Variants in ARSH observed in about 807,000 individuals in gnomAD.
ARSH encodes the protein arylsulfatase family member H, also known as arylsulfatase H.
In ARSH, 32 loss-of-function variants were observed where a neutral mutation model predicts 28.7. The ratio of observed to expected loss-of-function variants is 1.11; its 90% confidence interval spans 0.84 to 1.50. ARSH has a LOEUF of 1.50. ARSH is among the 40% of genes most tolerant of loss of function. ARSH has a pLI of 0.00. For missense variants in ARSH, 440 were observed against 452.4 expected, an observed-to-expected ratio of 0.97 and a Z score of 0.25; for synonymous variants, 176 against 177.3, an observed-to-expected ratio of 0.99 and a Z score of 0.06.
At chrX:3,014,094 A>G (rs146777531) in intron 3 of ARSH, among the ~76,000 whole-genome samples, 3,926 of 110,914 alleles carry the variant, frequency 0.035, 175 homozygotes, top group African/African-American at 0.12. Flanking sequence ...AAGACCCTGG[A>G]TCTACAAAAA....
In ARSH at chrX:3,014,951, G is replaced by A. The variant is rs924039482; in HGVS notation, c.341-19G>A. 1.7e-5 allele frequency: 20 copies of A among 1,197,684 alleles called. No individual in the cohort carries two copies. The highest frequency in any genetic ancestry group is 8.9e-5 in the East Asian group (3 of 33,656). On this transcript the variant is annotated intron_variant, in intron 3 of 8. Transcript: ENST00000381130. The stretch of plus-strand genomic sequence containing the variant: ...GAATGCTGCCATGCTGCCATGGTAC[G>A]ATTTTATTTTACTTTTAGGCAAATG...
intron 6 of ARSH, among the ~76,000 whole-genome samples, chrX:3,024,885 C>T (rs141525676): frequency 0.01 from 1,134 of 110,242 alleles, 4 homozygotes; most frequent in Middle Eastern, 0.042. Flanking sequence ...ATTCTGCATT[C>T]GCTATTTTCC....
intron 3 of ARSH, 24 bp downstream of exon 3, chrX:3,013,196 T>C (rs1179679631): frequency 8.4e-7 from 1 of 1,194,515 alleles, no homozygotes; most frequent in East Asian, 3.0e-5. Context: ...ACTCTGCCCG[T>C]GGAAACGTGA....
intron 4 of ARSH, among the ~76,000 whole-genome samples, chrX:3,018,046 C>T (rs1341170018): frequency 1.8e-5 from 2 of 112,393 alleles, no homozygotes; most frequent in African/African-American, 3.2e-5. Context: ...GTTGCCCAGG[C>T]TGGAGTGCAG....
chrX:3,016,624 C>T (rs778483598), intron 4 of ARSH, among the ~76,000 whole-genome samples: 1 of 111,505 alleles, frequency 9.0e-6, no homozygotes, highest in Non-Finnish European at 1.9e-5. Context: ...GTCACTCAGG[C>T]TGGAGTGCAG....
intron 1 of ARSH, among the ~76,000 whole-genome samples, chrX:3,007,949 C>A (rs1426806166): frequency 9.0e-6 from 1 of 111,484 alleles, no homozygotes; most frequent in African/African-American, 3.3e-5. Flanking sequence ...TAAGGGTCCA[C>A]TTTAACGACC....
chrX:3,033,090 G>C lies in ARSH; in HGVS notation c.1394G>C (p.Ser465Thr). ...YPEGTGACYG[S>T]GICSCSGDVT... is the part of the protein sequence containing the mutation. ...GAAGGAACAGGTGCCTGCTATGGGA[G>C]TGGAATATGTTCATGTTCGGGGGAT... is the stretch of plus-strand genomic sequence containing the variant. The change falls in exon 9 of 9, where the codon AGT becomes ACT. Residue 465 changes from serine (S) to threonine (T), a missense_variant. By Grantham distance (58) the Ser-to-Thr change is moderately conservative (BLOSUM62 1). Transcript: ENST00000381130. The C allele has an allele frequency of 4.1e-6, 5 of 1,211,340 alleles. No homozygotes were observed. Among genetic ancestry groups the C allele is most frequent in the Non-Finnish European group, 5.6e-6 (5 of 895,351 alleles).
At chrX:3,026,744 C>T (rs1004321941) in intron 6 of ARSH, among the ~76,000 whole-genome samples, 8 of 112,361 alleles carry the variant, frequency 7.1e-5, no homozygotes, top group African/African-American at 1.9e-4. Context: ...TACTCACACT[C>T]CTCTCTTTCT....
intron 5 of ARSH, 64 bp downstream of exon 5, chrX:3,018,734 C>T (rs1217078818): frequency 9.0e-7 from 1 of 1,116,571 alleles, no homozygotes; most frequent in African/African-American, 1.8e-5. Flanking sequence ...CAAATCTGTA[C>T]TAACTGTCTC....
chrX:3,033,088 G>T lies in ARSH; in HGVS notation c.1392G>T (p.Gly464=). The T allele has an allele frequency of 8.3e-7, 1 of 1,211,172 alleles. No individual in the cohort carries two copies. The change falls in exon 9 of 9, where the codon GGG becomes GGT. Residue 464 remains glycine, a synonymous_variant. Transcript: ENST00000381130. ...FYPEGTGACY[G]SGICSCSGDV... ...CTGAAGGAACAGGTGCCTGCTATGG[G>T]AGTGGAATATGTTCATGTTCGGGGG...
intron 1 of ARSH, among the ~76,000 whole-genome samples, chrX:3,009,105 G>A (rs921258700): frequency 9.0e-6 from 1 of 111,357 alleles, no homozygotes; most frequent in Admixed American, 9.7e-5. Context: ...ATATTAATGG[G>A]AGGCTGAAGT....
chrX:3,012,855 C>G (rs2089854818), intron 2 of ARSH, among the ~76,000 whole-genome samples, 192 bp from the exon 3 acceptor site: 1 of 108,208 alleles, frequency 9.2e-6, no homozygotes, highest in Admixed American at 1.0e-4. Context: ...TCTGGCAACC[C>G]TAATTCCAAG....
intron 2 of ARSH, among the ~76,000 whole-genome samples, chrX:3,011,088 G>T (rs1366680138): frequency 8.2e-5 from 9 of 109,896 alleles, no homozygotes; most frequent in Non-Finnish European, 1.3e-4. Flanking sequence ...CATAATTCAA[G>T]GTTCTCCATT....
intron 5 of ARSH, among the ~76,000 whole-genome samples, chrX:3,021,137 T>A (rs763557185): frequency 2.7e-5 from 3 of 110,939 alleles, no homozygotes; most frequent in African/African-American, 9.8e-5. Flanking sequence ...GTAGCCTTTA[T>A]GGAATTATAT....
rs778813847 is a variant in ARSH, at chrX:3,013,177, G to A, written c.340+5G>A. 8.3e-7 allele frequency: 1 copy of A among 1,202,666 alleles called. No individual in the cohort carries two copies. Among genetic ancestry groups the A allele is most frequent in the Non-Finnish European group, 1.1e-6 (1 of 891,368 alleles). On this transcript the variant is annotated splice_donor_5th_base_variant and intron_variant, in intron 3 of 8. Coordinates refer to ENST00000381130, the MANE Select transcript of ARSH (RefSeq NM_001011719.2). ...GCTACCGCACGGGACTCATAGGTAT[G>A]GCGCCGGAACTCTGCCCGTGGAAAC...
Position 3,015,320 on chromosome X carries a change from A to G in ARSH, c.691A>G (p.Ile231Val). The change falls in exon 4 of 9, where the codon ATT (isoleucine) becomes GTT (valine). Residue 231 changes from isoleucine (I) to valine (V), a missense_variant. Physicochemically the swap from Ile to Val is conservative, Grantham distance 29. Coordinates refer to ENST00000381130, the MANE Select transcript of ARSH (RefSeq NM_001011719.2). ...TTGCATCCTTATGAGGAACCATGAAATTATCCAGCAGCCAATGAAAGAGGA... is the reference window on the plus strand; with the variant it reads ...TTGCATCCTTATGAGGAACCATGAAGTTATCCAGCAGCCAATGAAAGAGGA... Reference protein sequence around the residue: ...WNCILMRNHEIIQQPMKEEKV... With the variant: ...WNCILMRNHEVIQQPMKEEKV... 2 of 1,211,882 alleles carry G rather than the reference A, an allele frequency of 1.7e-6. No individual in the cohort carries two copies. Among genetic ancestry groups the G allele is most frequent in the Non-Finnish European group, 2.2e-6 (2 of 895,557 alleles).
chrX:3,029,693 G>A (rs1464734428), intron 8 of ARSH, among the ~76,000 whole-genome samples: 2 of 109,869 alleles, frequency 1.8e-5, no homozygotes, highest in African/African-American at 6.6e-5. Flanking sequence ...ACCATGACTA[G>A]TTAATTTTTG....
intron 4 of ARSH, 93 bp downstream of exon 4, chrX:3,015,486 A>C: frequency 1.1e-6 from 1 of 893,262 alleles, no homozygotes; most frequent in Non-Finnish European, 1.5e-6. Context: ...GGCCTTTAAA[A>C]GTCTCTTGGA....
chrX:3,010,522 A>T (rs1454375272), intron 2 of ARSH, among the ~76,000 whole-genome samples: 1 of 111,901 alleles, frequency 8.9e-6, no homozygotes, highest in Non-Finnish European at 1.9e-5. Flanking sequence ...TGTGGATGAG[A>T]TTGGAAAACT....
Sources: gnomAD v4.1 joint callset for allele counts (sites outside exome capture counted in the v4.1 genomes callset) on GRCh38, gnomAD v4.1.1 for gene constraint, MANE v1.5 for transcripts, NCBI Gene and HGNC (gene_info 2026-07-23, HGNC 2026-07-21) for gene names.